The following PCDHGB1 variants were observed in gnomAD, a reference collection of about 807,000 sequenced individuals.
PCDHGB1 encodes protocadherin gamma subfamily B, 1.
A neutral mutation model predicts 56.6 loss-of-function variants in PCDHGB1; 34 were observed. That is an observed-to-expected ratio of 0.60 (90% CI 0.46 to 0.80). PCDHGB1 has a LOEUF of 0.80. PCDHGB1 is among the 30% of genes least tolerant of loss of function. The probability of loss-of-function intolerance (pLI) is 0.00; values close to 1 mark genes in which losing one functional copy is unlikely to be tolerated. For synonymous variants in PCDHGB1, 561 were observed against 505.9 expected, an observed-to-expected ratio of 1.11 and a Z score of -1.46; for missense variants, 1,278 against 1,204.6, an observed-to-expected ratio of 1.06 and a Z score of -0.90.
chr5:141,456,434 G>A (rs1418917805), intron 1 of PCDHGB1, among the ~76,000 whole-genome samples: 1 of 152,108 alleles, frequency 6.6e-6, no homozygotes, highest in Non-Finnish European at 1.5e-5. Flanking sequence ...TTATAGTATT[G>A]AGTATACAGA....
At chr5:141,410,705 A>G (rs1462423983) in intron 1 of PCDHGB1, 1 of 1,460,780 alleles carries the variant, frequency 6.8e-7, no homozygotes, top group Non-Finnish European at 9.1e-7. Context: ...TTTCATATCT[A>G]GAATCATATG....
intron 1 of PCDHGB1, chr5:141,359,898 A>G: frequency 2.5e-6 from 1 of 399,476 alleles, no homozygotes; most frequent in Admixed American, 4.1e-5. Context: ...AAATATTGAC[A>G]AGCCATTAGT....
intron 1 of PCDHGB1, chr5:141,376,173 T>C (rs531193543): frequency 1.3e-5 from 21 of 1,614,092 alleles, no homozygotes; most frequent in East Asian, 2.2e-5. Flanking sequence ...GTGGTGGCGG[T>C]GGCCGCGGTC....
At chr5:141,503,729 G>C (rs531112359) in intron 2 of PCDHGB1, among the ~76,000 whole-genome samples, 1 of 152,190 alleles carries the variant, frequency 6.6e-6, no homozygotes, top group East Asian at 1.9e-4. Flanking sequence ...CTTTATGTTT[G>C]TTGTGATGGT....
intron 1 of PCDHGB1, chr5:141,383,971 G>A (rs373869441): frequency 2.5e-6 from 4 of 1,613,544 alleles, no homozygotes; most frequent in African/African-American, 1.3e-5. Context: ...CTCAATCCCT[G>A]AAGACACACC....
At chr5:141,444,644 G>T (rs1300191764) in intron 1 of PCDHGB1, among the ~76,000 whole-genome samples, 1 of 151,892 alleles carries the variant, frequency 6.6e-6, no homozygotes, top group Non-Finnish European at 1.5e-5. Flanking sequence ...ATTGAGGTAG[G>T]GGTTGAAGTT....
chr5:141,409,928 G>T, intron 1 of PCDHGB1: 4 of 1,613,354 alleles, frequency 2.5e-6, no homozygotes, highest in Non-Finnish European at 2.5e-6. Flanking sequence ...CGCGTTCTTC[G>T]ATATGGTACC....
intron 1 of PCDHGB1, chr5:141,430,857 A>G: frequency 1.3e-6 from 2 of 1,591,432 alleles, no homozygotes; most frequent in Non-Finnish European, 1.7e-6. Flanking sequence ...CAGATACGCT[A>G]TTCAGTTCCG....
chr5:141,408,817 G>T (rs2095174337), intron 1 of PCDHGB1: 2 of 1,613,438 alleles, frequency 1.2e-6, no homozygotes, highest in Admixed American at 1.7e-5. Context: ...GGGAAGAACA[G>T]AGATCTCATA....
chr5:141,408,338 G>C, intron 1 of PCDHGB1: 1 of 1,613,958 alleles, frequency 6.2e-7, no homozygotes, highest in Non-Finnish European at 8.5e-7. Context: ...CAAGGGCTCG[G>C]TGGTGGGGAA....
chr5:141,438,180 A>G (rs2097937602), intron 1 of PCDHGB1, among the ~76,000 whole-genome samples: 1 of 152,204 alleles, frequency 6.6e-6, no homozygotes, highest in African/African-American at 2.4e-5. Context: ...AATATTTTAT[A>G]AAGGATGAGA....
intron 1 of PCDHGB1, chr5:141,408,732 AT>A (rs1172232848): frequency 6.2e-7 from 1 of 1,610,014 alleles, no homozygotes; most frequent in Non-Finnish European, 8.5e-7. Context: ...TCTAATCCTT[AT>A]TTTTCATTAA....
intron 1 of PCDHGB1, among the ~76,000 whole-genome samples, chr5:141,387,384 A>G (rs897106394): frequency 6.6e-6 from 1 of 152,208 alleles, no homozygotes; most frequent in Non-Finnish European, 1.5e-5. Flanking sequence ...CTTTATATAG[A>G]TAGTGCATGT....
chr5:141,374,991 C>A, intron 1 of PCDHGB1: 1 of 1,614,036 alleles, frequency 6.2e-7, no homozygotes, highest in Non-Finnish European at 8.5e-7. Flanking sequence ...GAAATTTCAA[C>A]TTCTGCAAAT....
intron 1 of PCDHGB1, among the ~76,000 whole-genome samples, chr5:141,401,931 A>C: frequency 6.6e-6 from 1 of 152,352 alleles, no homozygotes; most frequent in Middle Eastern, 3.4e-3. Context: ...GATGCTTAGA[A>C]TAATGTTTAA....
At chr5:141,474,658 A>G (rs950490550) in intron 1 of PCDHGB1, among the ~76,000 whole-genome samples, 13 of 152,176 alleles carry the variant, frequency 8.5e-5, no homozygotes, top group African/African-American at 3.1e-4. Flanking sequence ...CTTCTTTTCT[A>G]CCTACCTAAC....
intron 1 of PCDHGB1, chr5:141,362,616 G>A (rs964810850): frequency 2.6e-6 from 4 of 1,543,942 alleles, no homozygotes; most frequent in Non-Finnish European, 3.5e-6. Flanking sequence ...ATTTGGGTAG[G>A]AAGTTCCACT....
chr5:141,377,664 C>G (rs1042522537), intron 1 of PCDHGB1: 2 of 151,600 alleles, frequency 1.3e-5, no homozygotes, highest in African/African-American at 2.4e-5. Context: ...AAACGACAGA[C>G]GTTCATACAA....
rs951502238 is a variant in PCDHGB1 at position 141,478,263 on chromosome 5, A to G, written c.2410-16544A>G. ...ACAGTGTTCGGAGTAATCATATTCA[A>G]AGTTTACAAGTGGAAGCAGTCTAGA... On this transcript the variant is annotated intron_variant, in intron 1 of 3. Coordinates refer to ENST00000523390, the MANE Select transcript of PCDHGB1 (RefSeq NM_018922.3). The G allele has an allele frequency of 2.5e-6, 4 of 1,614,046 alleles. No individual in the cohort carries two copies. The African/African-American group carries it at 5.3e-5, about 22-fold the overall frequency.
Sources: gnomAD v4.1 joint callset for allele counts (sites outside exome capture counted in the v4.1 genomes callset) on GRCh38, gnomAD v4.1.1 for gene constraint, MANE v1.5 for transcripts, NCBI Gene and HGNC (gene_info 2026-07-23, HGNC 2026-07-21) for gene names.